The following ASAP3 variants were observed in gnomAD, a reference collection of about 807,000 sequenced individuals.
The protein encoded by ASAP3 is ArfGAP with SH3 domain, ankyrin repeat and PH domain 3.
In ASAP3, 85 loss-of-function variants were observed where a neutral mutation model predicts 118.2. The observed-to-expected ratio is 0.72, with a 90% confidence interval of 0.60 to 0.86. ASAP3 has a LOEUF of 0.86. Ranked by LOEUF, ASAP3 falls within the 40% of genes least tolerant of loss-of-function variation. The probability of loss-of-function intolerance (pLI) is 0.00; values close to 1 mark genes in which losing one functional copy is unlikely to be tolerated. For synonymous variants in ASAP3, 432 were observed against 477.4 expected, an observed-to-expected ratio of 0.90 and a Z score of 1.24; for missense variants, 1,026 against 1,175.0, an observed-to-expected ratio of 0.87 and a Z score of 1.85.
At chr1:23,443,525 A>T (rs1640945410) in intron 5 of ASAP3, among the ~76,000 whole-genome samples, 1 of 152,158 alleles carries the variant, frequency 6.6e-6, no homozygotes, top group Admixed American at 6.5e-5. Context: ...CTTCATACTT[A>T]AAGCTCAGAA....
chr1:23,441,703 G>A lies in ASAP3; in HGVS notation c.699C>T (p.Ala233=), dbSNP rs72661458. 5.1e-3 allele frequency: 8,161 copies of A among 1,614,164 alleles called. 26 individuals carry two copies. The highest frequency in any genetic ancestry group is 6.3e-3 in the Non-Finnish European group (7,436 of 1,180,028). Residue 233 remains alanine (A), a synonymous_variant, in exon 8 of 25, where the codon GCC becomes GCT. Coordinates refer to ENST00000336689, the MANE Select transcript of ASAP3 (RefSeq NM_017707.4). ...HNFFQDGWKA[A]QSLFPFIEKL... is the part of the protein sequence containing the mutation. ...TCTCGATGAAGGGGAACAGGCTCTG[G>A]GCAGCCTTCCAGCCATCTTGGAAAA...
intron 1 of ASAP3, among the ~76,000 whole-genome samples, chr1:23,463,148 C>T (rs1641651399): frequency 1.3e-5 from 2 of 152,164 alleles, no homozygotes; most frequent in Non-Finnish European, 2.9e-5. Flanking sequence ...CTGTTTCAGC[C>T]AGGCATGGTG....
chr1:23,434,661 C>A (rs1022700938), intron 17 of ASAP3, 43 bp from the exon 18 acceptor site: 1 of 1,581,156 alleles, frequency 6.3e-7, no homozygotes, highest in Non-Finnish European at 8.7e-7. Context: ...CCCCAGTGCA[C>A]CTGCCTCCAA....
Position 23,456,148 on chromosome 1 carries a change from A to G in ASAP3, c.176T>C (p.Val59Ala). The G allele has an allele frequency of 6.2e-7, 1 of 1,614,140 alleles. No homozygotes were observed. Among genetic ancestry groups the G allele is most frequent in the Non-Finnish European group, 8.5e-7 (1 of 1,180,006 alleles). Residue 59 changes from valine (V) to alanine (A), a missense_variant, in exon 2 of 25, where the codon GTG becomes GCG. Coordinates refer to ENST00000336689, the MANE Select transcript of ASAP3 (RefSeq NM_017707.4). ...AAGGCCGGAGCTATGGATTGCCCGC[A>G]CAGCCTTCTTTATTCTCTGCAGGAT... Reference protein sequence around the residue: ...QAILQRIKKAVRAIHSSGLGH... With the variant: ...QAILQRIKKAARAIHSSGLGH...
At position 23,438,613 on chromosome 1, in the gene ASAP3, C is replaced by T. The variant is rs1640757126; in HGVS notation, c.1102+134G>A. 5.7e-6 allele frequency: 4 copies of T among 697,382 alleles called. No homozygotes were observed. Among genetic ancestry groups the T allele is most frequent in the Non-Finnish European group, 9.8e-6 (4 of 407,078 alleles). 43.2% of individuals were successfully genotyped at this position (697,382 alleles called of 1,614,324 possible). A position where few individuals can be genotyped will look rare whatever the true frequency, so the allele number is the denominator to read the frequency against. ...ATCCTAGACCTAAGGATTCTTATGT[C>T]TGCAGTAGCAGCAATTCGACACCAT... On this transcript the variant is annotated intron_variant, in intron 12 of 24. Transcript: ENST00000336689. This position sits in a 1 kb window ranked among gnomAD's most constrained non-coding sequence, Gnocchi z 4.9.
intron 1 of ASAP3, among the ~76,000 whole-genome samples, chr1:23,481,094 C>T (rs944139638): frequency 2.0e-5 from 3 of 152,164 alleles, no homozygotes; most frequent in Non-Finnish European, 2.9e-5. Flanking sequence ...ACTATCCAGC[C>T]GCAGGAGCTT....
intron 10 of ASAP3, among the ~76,000 whole-genome samples, 168 bp downstream of exon 10, chr1:23,440,934 A>C (rs550225073): frequency 6.6e-6 from 1 of 152,162 alleles, no homozygotes; most frequent in Admixed American, 6.5e-5. Flanking sequence ...CTTTAGCAGA[A>C]GTTCACATGC....
At chr1:23,481,396 TG>T (rs1642302554) in intron 1 of ASAP3, among the ~76,000 whole-genome samples, 1 of 152,142 alleles carries the variant, frequency 6.6e-6, no homozygotes, top group South Asian at 2.1e-4. Flanking sequence ...AGCCCAGAAC[TG>T]GGGGAAAAAA....
chr1:23,431,630 G>A lies in ASAP3; in HGVS notation c.2546+66C>T, dbSNP rs1238194040. ...TAGGCAGGTACTATTTAGAGGTGTG[G>A]AAATCAATGGATGCTCAGAGAAGTC... is the stretch of plus-strand genomic sequence containing the variant. On this transcript the variant is annotated intron_variant, in intron 23 of 24. Coordinates refer to ENST00000336689, the MANE Select transcript of ASAP3 (RefSeq NM_017707.4). 11 of 1,411,040 alleles carry A rather than the reference G, an allele frequency of 7.8e-6. 1 individual carries two copies. In the African/African-American group the frequency reaches 1.6e-4, roughly 21 times the overall value. The allele number at this position is 1,411,040 out of a possible 1,614,324, so 87.4% of individuals were successfully genotyped here. A position where few individuals can be genotyped will look rare whatever the true frequency, so the allele number is the denominator to read the frequency against.
At chr1:23,440,855 CAAAAA>C (rs35532104) in intron 10 of ASAP3, among the ~76,000 whole-genome samples, 3 of 109,970 alleles carry the variant, frequency 2.7e-5, no homozygotes, top group Non-Finnish European at 3.8e-5. Flanking sequence ...GACTCTATCT[CAAAAA>C]AAAAAAAAAA....
intron 1 of ASAP3, among the ~76,000 whole-genome samples, chr1:23,477,376 C>CAAA (rs11367585): frequency 1.8e-3 from 116 of 64,112 alleles, no homozygotes; most frequent in East Asian, 2.9e-3. Flanking sequence ...GACTCCATCT[C>CAAA]AAAAAAAAAA....
chr1:23,441,290 G>C, intron 9 of ASAP3, 79 bp from the exon 10 acceptor site: 1 of 1,604,106 alleles, frequency 6.2e-7, no homozygotes, highest in South Asian at 1.1e-5. Context: ...CACTCAGGGA[G>C]ACTTCTCCAG....
chr1:23,432,491 C>A (rs1640474768), intron 22 of ASAP3, among the ~76,000 whole-genome samples: 1 of 152,182 alleles, frequency 6.6e-6, no homozygotes, highest in Non-Finnish European at 1.5e-5. Context: ...CATATGCTAT[C>A]CTCACCAGGA....
chr1:23,471,394 G>A (rs973992189), intron 1 of ASAP3, among the ~76,000 whole-genome samples: 10 of 152,100 alleles, frequency 6.6e-5, no homozygotes, highest in African/African-American at 2.4e-4. Flanking sequence ...TGCCATACAT[G>A]TCTGATCTCT....
intron 1 of ASAP3, among the ~76,000 whole-genome samples, chr1:23,482,512 ACT>A (rs1298370573): frequency 6.6e-6 from 1 of 151,472 alleles, no homozygotes; most frequent in East Asian, 1.9e-4. Context: ...ACAGAGCAAG[ACT>A]CTGTCTCCAA....
intron 1 of ASAP3, among the ~76,000 whole-genome samples, chr1:23,483,438 A>G (rs1045003442): frequency 6.6e-6 from 1 of 152,216 alleles, no homozygotes; most frequent in African/African-American, 2.4e-5. Context: ...TGGGAAAGAC[A>G]AAGAGGAGAG....
intron 1 of ASAP3, among the ~76,000 whole-genome samples, chr1:23,477,078 G>A (rs539450912): frequency 1.3e-5 from 2 of 151,508 alleles, no homozygotes; most frequent in South Asian, 4.2e-4. Context: ...GTACAATGGC[G>A]TGACCTGGGC....
chr1:23,436,072 GC>G lies in ASAP3; in HGVS notation c.1572-45del, dbSNP rs1483816447. The stretch of plus-strand genomic sequence containing the variant: ...GGATCTCAGAGCATGGACCGTGTCT[GC>G]CCAGCTGATCCCTGGGGCCCTCCCA... On this transcript the variant is annotated intron_variant, in intron 16 of 24. Transcript: ENST00000336689. This position sits in a 1 kb window ranked among gnomAD's most constrained non-coding sequence, Gnocchi z 4.2. 1.1e-5 allele frequency: 17 copies of G among 1,602,670 alleles called. No homozygotes were observed. Among genetic ancestry groups the G allele is most frequent in the Non-Finnish European group, 1.5e-5 (17 of 1,170,440 alleles).
intron 1 of ASAP3, among the ~76,000 whole-genome samples, chr1:23,472,228 T>C (rs992641128): frequency 6.6e-6 from 1 of 152,234 alleles, no homozygotes; most frequent in Non-Finnish European, 1.5e-5. Context: ...GTGAGTTTTA[T>C]GTTATGTGAA....
Sources: allele counts gnomAD v4.1 joint callset (sites outside exome capture counted in the v4.1 genomes callset), GRCh38; gene constraint gnomAD v4.1.1; non-coding constraint Gnocchi (gnomAD v3.1); transcripts MANE v1.5; gene names NCBI Gene and HGNC (gene_info 2026-07-23, HGNC 2026-07-21).